The following ANTXRL variants were observed in gnomAD, a reference collection of about 807,000 sequenced individuals.
ANTXRL encodes the protein anthrax toxin receptor-like.
ANTXRL carries 63 observed loss-of-function variants against 75.4 expected under a neutral mutation model. The ratio of observed to expected loss-of-function variants is 0.84; its 90% confidence interval spans 0.68 to 1.03. The LOEUF (loss-of-function observed/expected upper bound fraction) is 1.03. Among genes scored for constraint, ANTXRL ranks in the 50% least tolerant of loss-of-function variants. The pLI is 0.00. For missense variants in ANTXRL, 797 were observed against 789.4 expected (o/e 1.01, Z -0.12); for synonymous variants, 335 against 291.3 (o/e 1.15, Z -1.53).
At chr10:46,295,998 A>C in intron 3 of ANTXRL, 21 bp from the exon 4 acceptor site, 1 of 1,530,630 alleles carries the variant, frequency 6.5e-7, no homozygotes, top group Admixed American at 2.0e-5. Flanking sequence ...CAGGTCAACC[A>C]CCTTTTTAAA....
chr10:46,295,955 T>C (rs1390344711), intron 3 of ANTXRL, 64 bp from the exon 4 acceptor site: 1 of 1,355,620 alleles, frequency 7.4e-7, no homozygotes, highest in African/African-American at 1.4e-5. Context: ...CCCGGAGAGC[T>C]TGGGAGCTGA....
At chr10:46,313,152 G>A (rs1838525462) in intron 15 of ANTXRL, 84 bp from the exon 16 acceptor site, 1 of 1,221,978 alleles carries the variant, frequency 8.2e-7, no homozygotes, top group Non-Finnish European at 1.2e-6. Flanking sequence ...TGGGCACAGA[G>A]CTGTGGGGGG....
chr10:46,311,534 T>C lies in ANTXRL; in HGVS notation c.1198T>C (p.Ser400Pro), dbSNP rs1565041557. Residue 400 changes from serine (S) to proline (P), a missense_variant, in exon 15 of 17, where the codon TCA becomes CCA. This residue lies in a region of ANTXRL where 479 missense variants were observed against 422.0 expected (regional missense o/e 1.14). Coordinates refer to ENST00000620264, the MANE Select transcript of ANTXRL (RefSeq NM_001278688.3). ...EKEPEQEKPPSPPPPPPPPPP... is the reference protein window; with the variant it reads ...EKEPEQEKPPPPPPPPPPPPP... ...GGAGCCAGAGCAGGAAAAACCACCATCACCACCACCACCGCCTCCGCCTCC... is the reference window on the plus strand; with the variant it reads ...GGAGCCAGAGCAGGAAAAACCACCACCACCACCACCACCGCCTCCGCCTCC... The C allele has an allele frequency of 4.6e-6, 7 of 1,533,716 alleles. No homozygotes were observed. Among genetic ancestry groups the C allele is most frequent in the Non-Finnish European group, 6.1e-6 (7 of 1,145,742 alleles).
intron 12 of ANTXRL, among the ~76,000 whole-genome samples, 154 bp from the exon 13 acceptor site, chr10:46,308,959 C>T (rs1461355448): frequency 6.6e-6 from 1 of 152,142 alleles, no homozygotes; most frequent in African/African-American, 2.4e-5. Flanking sequence ...GGGTCTATAG[C>T]TCTCTGGGGC....
At chr10:46,319,218 A>G (rs1026352408) in intron 16 of ANTXRL, among the ~76,000 whole-genome samples, 2 of 152,170 alleles carry the variant, frequency 1.3e-5, no homozygotes, top group African/African-American at 2.4e-5. Flanking sequence ...TGGCCTCTCA[A>G]TTTGGGGAGG....
intron 16 of ANTXRL, among the ~76,000 whole-genome samples, chr10:46,323,971 C>T (rs1839096008): frequency 6.6e-6 from 1 of 152,044 alleles, no homozygotes; most frequent in South Asian, 2.1e-4. Context: ...GGTTCCAGGC[C>T]AAGGAAAATG....
intron 1 of ANTXRL, 92 bp from the exon 2 acceptor site, chr10:46,291,966 T>C (rs1554956597): frequency 2.4e-6 from 3 of 1,228,296 alleles, no homozygotes; most frequent in East Asian, 5.1e-5. Context: ...GAGAGCTTGT[T>C]AAGAGCCTGC....
At chr10:46,310,947 C>T (rs1838383824) in intron 14 of ANTXRL, among the ~76,000 whole-genome samples, 1 of 152,056 alleles carries the variant, frequency 6.6e-6, no homozygotes. Flanking sequence ...CTGGGGTTAG[C>T]CTCTCAGGAC....
In ANTXRL at chr10:46,329,994, T is replaced by C. The variant is rs1554967352; in HGVS notation, c.1806T>C (p.Pro602=). Residue 602 remains proline (P), a synonymous_variant, in exon 17 of 17, where the codon CCT becomes CCC. Coordinates refer to ENST00000620264, the MANE Select transcript of ANTXRL (RefSeq NM_001278688.3). ...TCCCCCCAGCTAGGTGCTTGAGGCCTCCCTCCAGGATGCTGCCGCTGCTGT... is the reference window on the plus strand; with the variant it reads ...TCCCCCCAGCTAGGTGCTTGAGGCCCCCCTCCAGGATGCTGCCGCTGCTGT... ...CRLPPARCLR[P]PSRMLPLLSP... The C allele has an allele frequency of 6.5e-7, 1 of 1,533,274 alleles. No homozygotes were observed. Among genetic ancestry groups the C allele is most frequent in the South Asian group, 1.2e-5 (1 of 83,954 alleles). The allele number at this position is 1,533,274 out of a possible 1,614,324, so 95.0% of individuals were successfully genotyped here.
At chr10:46,325,098 C>A (rs2132919434) in intron 16 of ANTXRL, among the ~76,000 whole-genome samples, 1 of 151,686 alleles carries the variant, frequency 6.6e-6, no homozygotes, top group East Asian at 1.9e-4. Context: ...ACAGGATTCC[C>A]AGCTTACATC....
chr10:46,327,301 G>C (rs370024200), intron 16 of ANTXRL, among the ~76,000 whole-genome samples: 3 of 152,228 alleles, frequency 2.0e-5, no homozygotes, highest in African/African-American at 7.2e-5. Flanking sequence ...GCAGTGCAGA[G>C]CTTCTCTGGA....
chr10:46,306,144 C>T (rs1205122439), intron 10 of ANTXRL, among the ~76,000 whole-genome samples: 6 of 152,200 alleles, frequency 3.9e-5, no homozygotes, highest in African/African-American at 1.2e-4. Flanking sequence ...GCCCCAAGCA[C>T]CTTTACCTGG....
At chr10:46,286,712 G>T (rs576571842), upstream of ANTXRL, among the ~76,000 whole-genome samples, 2 of 152,152 alleles carry the variant, frequency 1.3e-5, no homozygotes, top group African/African-American at 4.8e-5. Context: ...GGGGACTTCA[G>T]TGTCACACAA....
intron 1 of ANTXRL, among the ~76,000 whole-genome samples, chr10:46,290,333 C>T (rs564744401): frequency 1.1e-4 from 16 of 152,294 alleles, no homozygotes; most frequent in African/African-American, 2.6e-4. Context: ...TGAGCCACCT[C>T]GCCCGGCCTG....
chr10:46,315,511 T>C (rs1374976143), intron 16 of ANTXRL, among the ~76,000 whole-genome samples: 1 of 152,142 alleles, frequency 6.6e-6, no homozygotes, highest in Admixed American at 6.5e-5. Flanking sequence ...TCTTCCAGGA[T>C]CTCCCCTCAG....
At chr10:46,301,908 A>G (rs1837769271) in intron 9 of ANTXRL, among the ~76,000 whole-genome samples, 2 of 152,186 alleles carry the variant, frequency 1.3e-5, no homozygotes, top group Non-Finnish European at 2.9e-5. Context: ...TGCCCTTGGC[A>G]GCTGCAGACC....
rs183583044 is a variant in ANTXRL at position 46,306,837 on chromosome 10, G to T, written c.930G>T (p.Met310Ile). Reference sequence around the variant, plus strand: ...CAACCAGTATCGACAATAATTCCATGAATTGCCCTGGGCCAAAACTAGAAA... The same window carrying T: ...CAACCAGTATCGACAATAATTCCATTAATTGCCCTGGGCCAAAACTAGAAA... ...EKPTSIDNNS[M>I]NCPGPKLEKP... The change falls in exon 11 of 17, where the codon ATG (methionine) becomes ATT (isoleucine). Residue 310 changes from methionine (M) to isoleucine (I), a missense_variant. This residue lies in a region of ANTXRL where 479 missense variants were observed against 422.0 expected (regional missense o/e 1.14). Transcript: ENST00000620264. 1.2e-4 allele frequency: 178 copies of T among 1,530,444 alleles called. No individual in the cohort carries two copies. The highest frequency in any genetic ancestry group is 5.8e-4 in the Admixed American group (29 of 49,792). The allele number at this position is 1,530,444 out of a possible 1,614,324, so 94.8% of individuals were successfully genotyped here.
intron 15 of ANTXRL, 84 bp downstream of exon 15, chr10:46,311,749 C>T: frequency 1.6e-6 from 1 of 615,926 alleles, no homozygotes; most frequent in South Asian, 1.9e-5. Flanking sequence ...CTGTGGAGAC[C>T]TGGGCCCTGG....
chr10:46,288,261 C>A (rs1404438624), intron 1 of ANTXRL, among the ~76,000 whole-genome samples: 1 of 152,126 alleles, frequency 6.6e-6, no homozygotes, highest in Non-Finnish European at 1.5e-5. Flanking sequence ...GCAGCACTTT[C>A]TGGCCTCCAA....
Sources: gnomAD v4.1 joint callset for allele counts (sites outside exome capture counted in the v4.1 genomes callset) on GRCh38, gnomAD v4.1.1 for gene constraint, gnomAD v4.1.1 regional missense constraint, MANE v1.5 for transcripts, NCBI Gene and HGNC (gene_info 2026-07-23, HGNC 2026-07-21) for gene names.